The following KCTD10 variants were observed in gnomAD, a reference collection of about 807,000 sequenced individuals.
KCTD10 encodes potassium channel tetramerization domain containing 10, also known as BTB/POZ domain-containing adapter for CUL3-mediated RhoA degradation protein 3.
Under a neutral mutation model 34.6 loss-of-function variants are expected in KCTD10, and 13 were observed. The ratio of observed to expected loss-of-function variants is 0.38; its 90% CI spans 0.24 to 0.60. The LOEUF (loss-of-function observed/expected upper bound fraction) is 0.60. KCTD10 is among the 20% of genes least tolerant of loss of function. KCTD10 has a pLI of 0.66. For missense variants in KCTD10, 256 were observed against 420.3 expected, an observed-to-expected ratio of 0.61 and a Z score of 3.42; for synonymous variants, 156 against 168.8, an observed-to-expected ratio of 0.92 and a Z score of 0.59.
intron 1 of KCTD10, chr12:109,471,174 T>C (rs1041029329): frequency 3.0e-6 from 3 of 985,264 alleles, no homozygotes; most frequent in Non-Finnish European, 3.6e-6. Context: ...CTATAATGAA[T>C]GGGTACTACA....
chr12:109,473,732 A>G (rs1874007251), intron 1 of KCTD10, among the ~76,000 whole-genome samples: 1 of 151,266 alleles, frequency 6.6e-6, no homozygotes, highest in Non-Finnish European at 1.5e-5. Flanking sequence ...CCCCCACCAT[A>G]GCAAACCTCT....
At chr12:109,472,703 T>C (rs1206027060) in intron 1 of KCTD10, among the ~76,000 whole-genome samples, 1 of 152,184 alleles carries the variant, frequency 6.6e-6, no homozygotes, top group African/African-American at 2.4e-5. Context: ...ACACGTAATA[T>C]GTTGTGCTAC....
intron 2 of KCTD10, among the ~76,000 whole-genome samples, chr12:109,468,570 G>A (rs1474540731): frequency 6.6e-6 from 1 of 152,080 alleles, no homozygotes; most frequent in Non-Finnish European, 1.5e-5. Context: ...AGGTAAGGAT[G>A]GAGCCCTGTT....
chr12:109,451,877 T>C lies in KCTD10; in HGVS notation c.724-64A>G. 1 of 1,431,502 alleles carries C rather than the reference T, an allele frequency of 7.0e-7. No individual in the cohort carries two copies. Among genetic ancestry groups the C allele is most frequent in the South Asian group, 1.4e-5 (1 of 69,412 alleles). The allele number at this position is 1,431,502 out of a possible 1,614,324, so 88.7% of individuals were successfully genotyped here. A position where few individuals can be genotyped will look rare whatever the true frequency, so the allele number is the denominator to read the frequency against. On this transcript the variant is annotated intron_variant, in intron 6 of 6. Transcript: ENST00000228495. The surrounding 1 kb of genome is among the most constrained non-coding windows in gnomAD (Gnocchi z 5.0). ...CCACCCCCTCTGCCAACACCTGGAC[T>C]TTAAGCAGGGCCGCCAGGCTAAATC...
chr12:109,470,406 C>T (rs1873827255), intron 1 of KCTD10: 1 of 985,488 alleles, frequency 1.0e-6, no homozygotes, highest in Non-Finnish European at 1.2e-6. Context: ...AGAGCAAGAT[C>T]CCACTACCAT....
intron 1 of KCTD10, among the ~76,000 whole-genome samples, chr12:109,472,529 TAGG>T (rs1873938691): frequency 6.6e-6 from 1 of 151,096 alleles, no homozygotes; most frequent in African/African-American, 2.4e-5. Flanking sequence ...AAAAGGCAGG[TAGG>T]AGTATATTCT....
chr12:109,453,810 G>C (rs532054721), intron 6 of KCTD10, among the ~76,000 whole-genome samples: 1 of 152,306 alleles, frequency 6.6e-6, no homozygotes, highest in East Asian at 1.9e-4. Flanking sequence ...CTGTGAAGTT[G>C]TATATGAACT....
intron 4 of KCTD10, 131 bp downstream of exon 4, chr12:109,457,861 G>T: frequency 1.0e-6 from 1 of 996,726 alleles, no homozygotes; most frequent in Non-Finnish European, 1.6e-6. Context: ...ATGACCTGTA[G>T]CTTCCCACTG....
At chr12:109,465,613 G>A (rs752611722) in intron 2 of KCTD10, among the ~76,000 whole-genome samples, 11 of 152,204 alleles carry the variant, frequency 7.2e-5, no homozygotes, top group Non-Finnish European at 1.2e-4. Flanking sequence ...GACAAACAGA[G>A]AAGGCACAAA....
chr12:109,450,442 CAA>C lies in KCTD10; in HGVS notation c.*1151_*1152del. The C allele has an allele frequency of 2.5e-6, 1 of 399,238 alleles. No homozygotes were observed. Among genetic ancestry groups the C allele is most frequent in the Non-Finnish European group, 4.4e-6 (1 of 226,464 alleles). The allele number at this position is 399,238 out of a possible 1,614,324, so 24.7% of individuals were successfully genotyped here. A position where few individuals can be genotyped will look rare whatever the true frequency, so the allele number is the denominator to read the frequency against. On this transcript the variant is annotated 3_prime_UTR_variant, in exon 7 of 7. Transcript: ENST00000228495. ...CATGAACACAGACACAAACCAGACC[CAA>C]AGTTATCTATCTACCCGCACATCCT...
Position 109,456,200 on chromosome 12 carries a change from C to A in KCTD10, c.641G>T (p.Trp214Leu). 1 of 1,614,162 alleles carries A rather than the reference C, an allele frequency of 6.2e-7. No homozygotes were observed. The highest frequency in any genetic ancestry group is 8.5e-7 in the Non-Finnish European group (1 of 1,180,028). ...KDVIGDEICC[W>L]SFYGQGRKIA... is the part of the protein sequence containing the mutation. The stretch of plus-strand genomic sequence containing the variant: ...CTTCCGGCCCTGACCATAAAAGGAC[C>A]AGCAGCAGATTTCATCCCCAATAAC... The change falls in exon 6 of 7, where the codon TGG (tryptophan) becomes TTG (leucine). Residue 214 changes from tryptophan to leucine, a missense_variant. Transcript: ENST00000228495.
rs182060631 is a variant in KCTD10, at chr12:109,466,521, G to A, written c.217+2994C>T. On this transcript the variant is annotated intron_variant, in intron 2 of 6. Coordinates refer to ENST00000228495, the MANE Select transcript of KCTD10 (RefSeq NM_031954.5). ...ATGTAGACAGAGCTCCACAAATGTC[G>A]GCTGTGACTGTGACATGCAGCAGAG... 2.4e-4 allele frequency among the ~76,000 whole-genome samples: 37 copies of A among 152,280 alleles called. 1 individual carries two copies. Among genetic ancestry groups the A allele is most frequent in the Admixed American group, 9.2e-4 (14 of 15,298 alleles).
chr12:109,476,028 C>T lies in KCTD10; in HGVS notation c.3+1232G>A, dbSNP rs533049830. Among the ~76,000 whole-genome samples the T allele has an allele frequency of 2.0e-4, 31 of 152,368 alleles. No individual in the cohort carries two copies. In the South Asian group the frequency reaches 6.4e-3, roughly 32 times the overall value. On this transcript the variant is annotated intron_variant, in intron 1 of 6. Coordinates refer to ENST00000228495, the MANE Select transcript of KCTD10 (RefSeq NM_031954.5). ...TAGGAATCACACCTATAAGAGCCCT[C>T]TGACTCCCAACTCCTTTGCCCCTTT...
At chr12:109,470,026 C>T (rs2135678219) in intron 1 of KCTD10, 1 of 1,209,506 alleles carries the variant, frequency 8.3e-7, no homozygotes, top group Non-Finnish European at 1.0e-6. Flanking sequence ...ACCCAAAAAG[C>T]CTCATACACT....
At chr12:109,462,149 C>G (rs1331515273) in intron 2 of KCTD10, among the ~76,000 whole-genome samples, 1 of 152,246 alleles carries the variant, frequency 6.6e-6, no homozygotes, top group Non-Finnish European at 1.5e-5. Flanking sequence ...TACCCCTTAC[C>G]TGGCAGGTCC....
intron 1 of KCTD10, 108 bp from the exon 2 acceptor site, chr12:109,469,836 C>G: frequency 6.7e-7 from 1 of 1,494,550 alleles, no homozygotes; most frequent in Non-Finnish European, 8.9e-7. Context: ...CACGCATACA[C>G]AGCATTTAAA....
At chr12:109,454,033 T>C (rs1445070524) in intron 6 of KCTD10, among the ~76,000 whole-genome samples, 1 of 152,208 alleles carries the variant, frequency 6.6e-6, no homozygotes, top group Non-Finnish European at 1.5e-5. Context: ...ACTGGGTCAA[T>C]TGCCTGCTAA....
At chr12:109,464,870 C>T (rs936132082) in intron 2 of KCTD10, 15 of 455,666 alleles carry the variant, frequency 3.3e-5, no homozygotes, top group African/African-American at 2.2e-4. Flanking sequence ...CATAACCACT[C>T]CAGAAGGGAC....
rs72647791 is a variant in KCTD10 at position 109,460,022 on chromosome 12, T to C, written c.387+614A>G. 2.1e-4 allele frequency among the ~76,000 whole-genome samples: 32 copies of C among 152,352 alleles called. 1 individual carries two copies. Among genetic ancestry groups the C allele is most frequent in the Non-Finnish European group, 4.4e-5 (3 of 68,028 alleles). On this transcript the variant is annotated intron_variant, in intron 3 of 6. Transcript: ENST00000228495. This position sits in a 1 kb window ranked among gnomAD's most constrained non-coding sequence, Gnocchi z 4.5. Reference sequence around the variant, plus strand: ...AGGTGGTGTGCAGCATTATGGGTACTGGTCCGGTGCGGGGCCAGACACAGA... The same window carrying C: ...AGGTGGTGTGCAGCATTATGGGTACCGGTCCGGTGCGGGGCCAGACACAGA...
Sources: allele counts gnomAD v4.1 joint callset (sites outside exome capture counted in the v4.1 genomes callset), GRCh38; gene constraint gnomAD v4.1.1; non-coding constraint Gnocchi (gnomAD v3.1); transcripts MANE v1.5; gene names NCBI Gene and HGNC (gene_info 2026-07-23, HGNC 2026-07-21).